The following SAMSN1 variants were observed in gnomAD, a reference collection of about 807,000 sequenced individuals.
The protein encoded by SAMSN1 is SAM domain-containing protein SAMSN-1.
Under a neutral mutation model 42.0 loss-of-function variants are expected in SAMSN1, and 31 were observed. That is an observed-to-expected ratio of 0.74 (90% CI 0.55 to 1.00). SAMSN1 has a LOEUF of 1.00. Ranked by LOEUF, SAMSN1 falls within the 50% of genes least tolerant of loss-of-function variation. The pLI, the probability that SAMSN1 is intolerant of heterozygous loss-of-function variation, is 0.00. For missense variants in SAMSN1, 464 were observed against 439.4 expected (o/e 1.06, Z -0.50); for synonymous variants, 178 against 151.9 (o/e 1.17, Z -1.26).
chr21:14,652,457 T>C (rs1197444192), intron 1 of SAMSN1, among the ~76,000 whole-genome samples: 1 of 151,994 alleles, frequency 6.6e-6, no homozygotes, highest in Non-Finnish European at 1.5e-5. Flanking sequence ...GTCTCTTCAA[T>C]AAATAGTGCT....
chr21:14,635,315 C>T (rs986810057), intron 2 of SAMSN1, among the ~76,000 whole-genome samples: 1 of 152,068 alleles, frequency 6.6e-6, no homozygotes, highest in African/African-American at 2.4e-5. Flanking sequence ...CCCTGCATGT[C>T]CTGCACATGT....
chr21:14,657,880 A>T (rs1983941473), intron 1 of SAMSN1, among the ~76,000 whole-genome samples: 1 of 151,824 alleles, frequency 6.6e-6, no homozygotes, highest in African/African-American at 2.4e-5. Flanking sequence ...CTGTTTAGGT[A>T]TTACAACGTA....
chr21:14,577,264 ATATATATATATATATATATATTT>A (rs1981522099), intron 2 of SAMSN1, among the ~76,000 whole-genome samples: 1 of 43,352 alleles, frequency 2.3e-5, no homozygotes, highest in Non-Finnish European at 4.1e-5. Context: ...ATATATATAT[ATATATATATATATATATATATTT>A]TTTTTTTAGA....
chr21:14,510,597 G>T (rs1987646635), intron 4 of SAMSN1, 136 bp from the exon 5 acceptor site: 1 of 960,568 alleles, frequency 1.0e-6, no homozygotes, highest in South Asian at 1.5e-5. Flanking sequence ...GACCCATCCT[G>T]GTGTCTGTCT....
At chr21:14,597,346 A>T (rs965808266) in intron 6 of SAMSN1, among the ~76,000 whole-genome samples, 1 of 152,158 alleles carries the variant, frequency 6.6e-6, no homozygotes, top group African/African-American at 2.4e-5. Flanking sequence ...ATTGTGTGCT[A>T]TGTTGGATAC....
chr21:14,537,373 T>C (rs557255349), intron 1 of SAMSN1, among the ~76,000 whole-genome samples: 123 of 148,616 alleles, frequency 8.3e-4, no homozygotes, highest in African/African-American at 2.8e-3. Flanking sequence ...TCTTTTCTGT[T>C]AATTTTTTTT....
At chr21:14,490,052 A>G (rs1014849252) in intron 7 of SAMSN1, among the ~76,000 whole-genome samples, 10 of 152,168 alleles carry the variant, frequency 6.6e-5, no homozygotes, top group Non-Finnish European at 8.8e-5. Flanking sequence ...AAAGATTCAA[A>G]AAAATGAAAA....
intron 2 of SAMSN1, among the ~76,000 whole-genome samples, chr21:14,632,901 A>G (rs552237127): frequency 6.6e-6 from 1 of 152,264 alleles, no homozygotes; most frequent in East Asian, 1.9e-4. Flanking sequence ...GTTCCTTATC[A>G]TGCAGGTCTC....
At chr21:14,658,670 G>C in intron 1 of SAMSN1, 1 of 707,432 alleles carries the variant, frequency 1.4e-6, no homozygotes, top group Non-Finnish European at 2.6e-6. Context: ...AAGAAGTTTA[G>C]AATATATCCT....
intron 7 of SAMSN1, among the ~76,000 whole-genome samples, chr21:14,487,169 G>A (rs968937730): frequency 6.6e-6 from 1 of 152,112 alleles, no homozygotes; most frequent in African/African-American, 2.4e-5. Flanking sequence ...ACACATTTAA[G>A]GTTGGGACAA....
intron 2 of SAMSN1, among the ~76,000 whole-genome samples, chr21:14,557,068 C>A (rs200125391): frequency 2.0e-5 from 3 of 152,130 alleles, no homozygotes; most frequent in African/African-American, 7.2e-5. Context: ...CCTGGAGTGG[C>A]CCCTGCAAGC....
At chr21:14,562,280 T>C (rs1212118792) in intron 2 of SAMSN1, among the ~76,000 whole-genome samples, 1 of 152,170 alleles carries the variant, frequency 6.6e-6, no homozygotes, top group East Asian at 1.9e-4. Context: ...TTTTCAAAAT[T>C]TCTAAAGCTT....
chr21:14,558,285 A>G (rs1279391751), intron 2 of SAMSN1, among the ~76,000 whole-genome samples: 2 of 152,152 alleles, frequency 1.3e-5, no homozygotes, highest in Non-Finnish European at 2.9e-5. Flanking sequence ...CTCAAAACTC[A>G]AAAGGATTAT....
chr21:14,614,382 A>G (rs914332956), intron 3 of SAMSN1, among the ~76,000 whole-genome samples: 2 of 152,146 alleles, frequency 1.3e-5, no homozygotes, highest in Non-Finnish European at 2.9e-5. Context: ...CTCTTCCCCT[A>G]TGTATGATTG....
intron 2 of SAMSN1, among the ~76,000 whole-genome samples, chr21:14,639,752 T>G (rs1479699432): frequency 3.3e-4 from 3 of 9,148 alleles, no homozygotes; most frequent in Non-Finnish European, 1.4e-3. Context: ...AATATGTTAG[T>G]TTTTTTTTCA....
intron 5 of SAMSN1, among the ~76,000 whole-genome samples, chr21:14,603,116 G>T (rs1555842222): frequency 6.6e-6 from 1 of 152,086 alleles, no homozygotes; most frequent in Non-Finnish European, 1.5e-5. Context: ...ATGTCACAGG[G>T]TCAGGCTGCT....
chr21:14,601,903 T>TA, intron 6 of SAMSN1: 1 of 400,870 alleles, frequency 2.5e-6, no homozygotes, highest in Non-Finnish European at 4.7e-6. Context: ...CAACCTATAA[T>TA]AACTAAATAG....
At chr21:14,517,564 T>C (rs1376476580) in intron 2 of SAMSN1, among the ~76,000 whole-genome samples, 1 of 152,058 alleles carries the variant, frequency 6.6e-6, no homozygotes, top group Non-Finnish European at 1.5e-5. Flanking sequence ...AAATGTTAGA[T>C]TTTTTTTCAT....
At chr21:14,507,521 T>A (rs892849382) in intron 5 of SAMSN1, among the ~76,000 whole-genome samples, 1 of 152,122 alleles carries the variant, frequency 6.6e-6, no homozygotes, top group Non-Finnish European at 1.5e-5. Flanking sequence ...CAAGGAAAAG[T>A]ACAAAGCACT....
Sources: allele counts gnomAD v4.1 joint callset (sites outside exome capture counted in the v4.1 genomes callset), GRCh38; gene constraint gnomAD v4.1.1; transcripts MANE v1.5; gene names NCBI Gene and HGNC (gene_info 2026-07-23, HGNC 2026-07-21).